Variants in STK3 observed in about 807,000 individuals in gnomAD.
STK3 encodes the protein serine/threonine kinase 3.
In STK3, 41 loss-of-function variants were observed where a neutral mutation model predicts 58.0. That is an observed-to-expected ratio of 0.71 (90% CI 0.55 to 0.92). The LOEUF (loss-of-function observed/expected upper bound fraction) is 0.92, where lower values mean the gene tolerates loss of function less well. STK3 is among the 40% of genes least tolerant of loss of function. The pLI is 0.00. For missense variants in STK3, 479 were observed against 602.7 expected, an observed-to-expected ratio of 0.79 and a Z score of 2.15; for synonymous variants, 170 against 191.0, an observed-to-expected ratio of 0.89 and a Z score of 0.91.
chr8:98,363,600 G>GA, the STK3 span, among the ~76,000 whole-genome samples: 1 of 152,144 alleles, frequency 6.6e-6, no homozygotes, highest in Admixed American at 6.5e-5. Context: ...ATGAAAAAAA[G>GA]AAAAAAGAAA....
At chr8:98,459,971 A>T (rs1586612393) in intron 10 of STK3, among the ~76,000 whole-genome samples, 1 of 152,212 alleles carries the variant, frequency 6.6e-6, no homozygotes, top group Non-Finnish European at 1.5e-5. Flanking sequence ...CCCCATAAAG[A>T]GTCCCCACTG....
intron 4 of STK3, among the ~76,000 whole-genome samples, chr8:98,745,701 G>A (rs1361294802): frequency 6.6e-6 from 1 of 152,042 alleles, no homozygotes; most frequent in Non-Finnish European, 1.5e-5. Context: ...AAGATGAGAA[G>A]GTCAAAGACT....
intron 1 of STK3, among the ~76,000 whole-genome samples, chr8:98,891,424 G>T (rs765010967): frequency 5.9e-5 from 9 of 152,160 alleles, no homozygotes; most frequent in Non-Finnish European, 8.8e-5. Flanking sequence ...ATTATAACGA[G>T]AACTTTTATA....
intron 6 of STK3, among the ~76,000 whole-genome samples, chr8:98,617,034 T>C (rs1817795498): frequency 6.6e-6 from 1 of 151,730 alleles, no homozygotes. Context: ...ACACCACACC[T>C]ATTCCAAAAT....
intron 3 of STK3, among the ~76,000 whole-genome samples, chr8:98,839,607 G>A (rs1465378004): frequency 3.3e-5 from 5 of 152,126 alleles, no homozygotes; most frequent in African/African-American, 1.2e-4. Flanking sequence ...CCTTTCCAAA[G>A]GGAGTGATTC....
intron 4 of STK3, 35 bp downstream of exon 4, chr8:98,749,241 A>G: frequency 7.1e-7 from 1 of 1,417,536 alleles, no homozygotes; most frequent in Non-Finnish European, 9.9e-7. Context: ...CAATCTTTAG[A>G]AATGATATTA....
chr8:98,830,858 T>C (rs1038343159), intron 3 of STK3, among the ~76,000 whole-genome samples: 1 of 150,378 alleles, frequency 6.6e-6, no homozygotes, highest in Non-Finnish European at 1.5e-5. Flanking sequence ...TACTCCCAGC[T>C]ACTCGGGAGG....
At chr8:98,888,488 A>T (rs1838078028) in intron 1 of STK3, among the ~76,000 whole-genome samples, 1 of 152,080 alleles carries the variant, frequency 6.6e-6, no homozygotes, top group Non-Finnish European at 1.5e-5. Context: ...TGGGCTGGAC[A>T]CCCCCAGTCT....
At chr8:98,389,975 C>A (rs569075999), upstream of STK3, among the ~76,000 whole-genome samples, 52 of 152,068 alleles carry the variant, frequency 3.4e-4, 1 homozygote, top group African/African-American at 1.0e-3. Context: ...CATGAGCCCC[C>A]CTTTCCCCAC....
At chr8:98,617,840 G>C (rs1332927362) in intron 6 of STK3, among the ~76,000 whole-genome samples, 5 of 152,040 alleles carry the variant, frequency 3.3e-5, no homozygotes, top group Admixed American at 6.5e-5. Flanking sequence ...CAACGAAAAA[G>C]AGTCCAGGAC....
Position 98,653,592 on chromosome 8 carries a change from T to C in STK3, c.684+52875A>G, listed in dbSNP as rs1262019938. ...AAAATTGATAGACCACTAGCAAGAC[T>C]AATAAAGAAGAAAAGAGAGAAGAAT... On this transcript the variant is annotated intron_variant, in intron 6 of 10. Transcript: ENST00000419617. Among the ~76,000 whole-genome samples the C allele has an allele frequency of 2.0e-5, 3 of 152,034 alleles. 1 individual carries two copies. Among genetic ancestry groups the C allele is most frequent in the Non-Finnish European group, 2.9e-5 (2 of 67,998 alleles).
chr8:98,471,262 C>A (rs941431171), intron 10 of STK3, among the ~76,000 whole-genome samples: 1 of 151,950 alleles, frequency 6.6e-6, no homozygotes, highest in Non-Finnish European at 1.5e-5. Context: ...TAAGAGAGGG[C>A]TAAGTCGCTG....
intron 3 of STK3, among the ~76,000 whole-genome samples, chr8:98,871,647 T>C (rs1487364525): frequency 6.6e-6 from 1 of 151,418 alleles, no homozygotes; most frequent in Admixed American, 6.6e-5. Context: ...TCTGTTTGTC[T>C]GTTATTGGTG....
upstream of STK3, among the ~76,000 whole-genome samples, chr8:98,390,019 C>T (rs1318870115): frequency 6.6e-6 from 1 of 152,036 alleles, no homozygotes. Flanking sequence ...TTAACATGTG[C>T]CCTTGGAGTA....
chr8:98,354,501 T>C, the STK3 span, among the ~76,000 whole-genome samples: 1 of 152,208 alleles, frequency 6.6e-6, no homozygotes, highest in Non-Finnish European at 1.5e-5. Flanking sequence ...ACAAACAGTG[T>C]CGGTGATGAT....
intron 6 of STK3, among the ~76,000 whole-genome samples, chr8:98,614,895 C>T (rs2130274300): frequency 6.6e-6 from 1 of 152,302 alleles, no homozygotes; most frequent in South Asian, 2.1e-4. Flanking sequence ...GGGGAGCCCG[C>T]CATTGCCCGG....
intron 1 of STK3, among the ~76,000 whole-genome samples, chr8:98,916,428 A>T (rs1839352175): frequency 6.6e-6 from 1 of 152,152 alleles, no homozygotes; most frequent in Non-Finnish European, 1.5e-5. Context: ...CAAGCAAGCA[A>T]ACAAACAAAC....
At chr8:98,390,771 ATTTATC>A (rs1197556879), upstream of STK3, among the ~76,000 whole-genome samples, 1 of 151,690 alleles carries the variant, frequency 6.6e-6, no homozygotes, top group Non-Finnish European at 1.5e-5. Context: ...ATGGTTATTT[ATTTATC>A]TTTAAGTTCA....
chr8:98,663,444 A>G (rs552801614), intron 6 of STK3, among the ~76,000 whole-genome samples: 1 of 152,314 alleles, frequency 6.6e-6, no homozygotes, highest in African/African-American at 2.4e-5. Context: ...TAATTCAACC[A>G]CTGTGGAAGT....
Sources: gnomAD v4.1 joint callset for allele counts (sites outside exome capture counted in the v4.1 genomes callset) on GRCh38, gnomAD v4.1.1 for gene constraint, MANE v1.5 for transcripts, NCBI Gene and HGNC (gene_info 2026-07-23, HGNC 2026-07-21) for gene names.